The following DPP6 variants were observed in gnomAD, a reference collection of about 807,000 sequenced individuals.
DPP6 encodes dipeptidyl peptidase like 6, also known as A-type potassium channel modulatory protein DPP6.
Under a neutral mutation model 122.6 loss-of-function variants are expected in DPP6, and 69 were observed. The observed-to-expected ratio is 0.56, with a 90% CI of 0.46 to 0.69. The LOEUF is 0.69. Ranked by LOEUF, DPP6 falls within the 30% of genes least tolerant of loss-of-function variation. The probability of loss-of-function intolerance (pLI) is 0.00; values close to 1 mark genes in which losing one functional copy is unlikely to be tolerated. For synonymous variants in DPP6, 418 were observed against 433.1 expected, an observed-to-expected ratio of 0.97 and a Z score of 0.43; for missense variants, 928 against 1,116.9, an observed-to-expected ratio of 0.83 and a Z score of 2.41.
At chr7:154,776,236 A>ATAGATAGATAGATAGATAG (rs1468612932) in intron 10 of DPP6, among the ~76,000 whole-genome samples, 2 of 40,694 alleles carry the variant, frequency 4.9e-5, no homozygotes, top group African/African-American at 1.2e-4. Flanking sequence ...TAGATAGATA[A>ATAGATAGATAGATAGATAG]ACAGATACAT....
At chr7:154,678,009 C>T (rs983787989) in intron 7 of DPP6, among the ~76,000 whole-genome samples, 26 of 152,204 alleles carry the variant, frequency 1.7e-4, no homozygotes, top group South Asian at 6.2e-4. Context: ...GATCAGCACT[C>T]TGTAAAAACA....
At chr7:154,313,714 T>TATATATATATATATGCATACACACAC (rs1177234778) in intron 1 of DPP6, among the ~76,000 whole-genome samples, 1 of 17,786 alleles carries the variant, frequency 5.6e-5, no homozygotes, top group Non-Finnish European at 1.2e-4. Flanking sequence ...TATATATATA[T>TATATATATATATATGCATACACACAC]ACACACACAC....
At chr7:154,141,142 G>A (rs967772220) in intron 1 of DPP6, among the ~76,000 whole-genome samples, 8 of 152,220 alleles carry the variant, frequency 5.3e-5, no homozygotes, top group African/African-American at 1.9e-4. Flanking sequence ...AAGCATGGGT[G>A]TGTGGGCTAC....
At position 154,892,523 on chromosome 7, in the gene DPP6, A is replaced by T; in HGVS notation, c.*43A>T. 6.5e-7 allele frequency: 1 copy of T among 1,536,204 alleles called. No homozygotes were observed. The highest frequency in any genetic ancestry group is 8.8e-7 in the Non-Finnish European group (1 of 1,131,112). ...CACAAACGTGGCTCTTTCTACAACCAGATGCAACCGAGGGATTTCCCTGCC... is the reference window on the plus strand; with the variant it reads ...CACAAACGTGGCTCTTTCTACAACCTGATGCAACCGAGGGATTTCCCTGCC... On this transcript the variant is annotated 3_prime_UTR_variant, in exon 26 of 26. Transcript: ENST00000377770.
At chr7:154,126,977 C>T (rs1807939160) in intron 1 of DPP6, among the ~76,000 whole-genome samples, 1 of 152,160 alleles carries the variant, frequency 6.6e-6, no homozygotes, top group African/African-American at 2.4e-5. Flanking sequence ...CTCTTCCCAC[C>T]CCTTCCAGCT....
chr7:154,214,217 A>G (rs186172303), intron 1 of DPP6, among the ~76,000 whole-genome samples: 1 of 152,360 alleles, frequency 6.6e-6, no homozygotes, highest in Admixed American at 6.5e-5. Context: ...TCAAGACCAA[A>G]GGCTCTCGAA....
At position 154,601,854 on chromosome 7, in the gene DPP6, G is replaced by A. The variant is rs1286280816; in HGVS notation, c.627+34938G>A. On this transcript the variant is annotated intron_variant, in intron 5 of 25. Transcript: ENST00000377770. ...AAAGTAGTTGCAATACAGACCGTAT[G>A]GCTTGAAAAACCAAAAGCATTTATT... 4.2e-5 allele frequency among the ~76,000 whole-genome samples: 5 copies of A among 120,374 alleles called. 2 individuals are homozygous for A. The highest frequency in any genetic ancestry group is 1.3e-4 in the African/African-American group (5 of 37,884). 79.0% of individuals were successfully genotyped at this position (120,374 alleles called of 152,430 possible).
chr7:154,687,703 AATTTATTCCTT>A (rs1319909136), intron 7 of DPP6, among the ~76,000 whole-genome samples: 2 of 152,186 alleles, frequency 1.3e-5, no homozygotes, highest in Non-Finnish European at 2.9e-5. Flanking sequence ...ATTTCAATGC[AATTTATTCCTT>A]TATGGTTTGC....
chr7:154,796,208 C>G, intron 12 of DPP6: 1 of 313,664 alleles, frequency 3.2e-6, no homozygotes, highest in South Asian at 1.0e-4. Context: ...TCAAAGGTGG[C>G]TTAACATAAT....
At chr7:154,693,875 A>C (rs1410977337) in intron 7 of DPP6, among the ~76,000 whole-genome samples, 1 of 152,210 alleles carries the variant, frequency 6.6e-6, no homozygotes, top group East Asian at 1.9e-4. Context: ...AGAGGGACTC[A>C]CAGCACCCCT....
intron 1 of DPP6, among the ~76,000 whole-genome samples, chr7:154,381,409 C>T (rs1669015293): frequency 6.6e-6 from 1 of 152,186 alleles, no homozygotes; most frequent in Non-Finnish European, 1.5e-5. Flanking sequence ...CTCATATACA[C>T]CTACACATGT....
At chr7:154,397,154 TATAAG>T (rs1457273291) in intron 1 of DPP6, among the ~76,000 whole-genome samples, 4 of 150,102 alleles carry the variant, frequency 2.7e-5, no homozygotes, top group Non-Finnish European at 4.4e-5. Context: ...AAATTAGATT[TATAAG>T]ATAAATCTAA....
chr7:153,930,428 AGG>A (rs1401100822), intron 1 of DPP6, among the ~76,000 whole-genome samples: 3 of 152,200 alleles, frequency 2.0e-5, no homozygotes, highest in Non-Finnish European at 4.4e-5. Flanking sequence ...TGTTCTCAGC[AGG>A]ATATGGCTCC....
chr7:154,856,981 A>G (rs1177647824), intron 17 of DPP6, among the ~76,000 whole-genome samples: 2 of 152,196 alleles, frequency 1.3e-5, no homozygotes, highest in African/African-American at 2.4e-5. Flanking sequence ...TGGAAACTGG[A>G]CGGCGTTTAG....
At chr7:154,785,640 A>G (rs1797292786) in intron 10 of DPP6, among the ~76,000 whole-genome samples, 1 of 152,178 alleles carries the variant, frequency 6.6e-6, no homozygotes, top group South Asian at 2.1e-4. Flanking sequence ...CAACTTCTGC[A>G]TCTTTGTTTT....
chr7:154,761,694 CTT>C (rs35619540), intron 8 of DPP6, among the ~76,000 whole-genome samples: 2 of 149,782 alleles, frequency 1.3e-5, no homozygotes, highest in Non-Finnish European at 3.0e-5. Flanking sequence ...AGGCACCACA[CTT>C]TTTTTTTTCA....
chr7:153,888,847 A>G (rs1382937666), intron 1 of DPP6, among the ~76,000 whole-genome samples: 2 of 151,998 alleles, frequency 1.3e-5, no homozygotes, highest in Non-Finnish European at 2.9e-5. Flanking sequence ...GGCAAGGTCC[A>G]GAGTTGTTTA....
At chr7:153,757,357 T>C in the DPP6 span, among the ~76,000 whole-genome samples, 258 of 146,724 alleles carry the variant, frequency 1.8e-3, no homozygotes, top group African/African-American at 6.5e-3. Flanking sequence ...AACAAGTTCA[T>C]ATTTTTCATT....
chr7:154,090,881 G>A (rs1485374776), intron 1 of DPP6, among the ~76,000 whole-genome samples: 1 of 149,388 alleles, frequency 6.7e-6, no homozygotes, highest in Non-Finnish European at 1.5e-5. Flanking sequence ...AGCACTTTGG[G>A]AGGCCGAGGC....
Sources: gnomAD v4.1 joint callset for allele counts (sites outside exome capture counted in the v4.1 genomes callset) on GRCh38, gnomAD v4.1.1 for gene constraint, MANE v1.5 for transcripts, NCBI Gene and HGNC (gene_info 2026-07-23, HGNC 2026-07-21) for gene names.